The following FMO5 variants were observed in gnomAD, a reference collection of about 807,000 sequenced individuals.
FMO5 encodes flavin-containing monooxygenase 5.
A neutral mutation model predicts 43.6 loss-of-function variants in FMO5; 51 were observed. That is an observed-to-expected ratio of 1.17 (90% CI 0.93 to 1.48). FMO5 has a LOEUF of 1.48. FMO5 is among the 40% of genes most tolerant of loss of function. The pLI, the probability that FMO5 is intolerant of heterozygous loss-of-function variation, is 0.00. For synonymous variants in FMO5, 187 were observed against 216.5 expected (o/e 0.86, Z 1.20); for missense variants, 644 against 643.0 (o/e 1.00, Z -0.02).
Position 147,187,246 on chromosome 1 carries a change from C to G in FMO5, c.1257-1G>C. On this transcript the variant is annotated splice_acceptor_variant, in intron 8 of 8. Transcript: ENST00000254090. LOFTEE classifies it high-confidence loss of function. ...GGTATGGCGTTGGCTCTCCACATAC[C>G]TAAAGTAGAAAAGACAGAAACCATG... is the stretch of plus-strand genomic sequence containing the variant. 3.8e-6 allele frequency: 6 copies of G among 1,582,696 alleles called. No individual in the cohort carries two copies. Among genetic ancestry groups the G allele is most frequent in the Non-Finnish European group, 5.1e-6 (6 of 1,165,894 alleles).
intron 2 of FMO5, among the ~76,000 whole-genome samples, chr1:147,216,332 G>A (rs1661990118): frequency 6.6e-6 from 1 of 152,120 alleles, no homozygotes; most frequent in Non-Finnish European, 1.5e-5. Context: ...AAAATATATG[G>A]CCAGTCCCCA....
intron 7 of FMO5, among the ~76,000 whole-genome samples, chr1:147,191,144 A>T (rs587639499): frequency 6.6e-6 from 1 of 152,268 alleles, no homozygotes; most frequent in South Asian, 2.1e-4. Context: ...CAATAAACAT[A>T]CGTGTGCATG....
chr1:147,187,046 T>A lies in FMO5; in HGVS notation c.1456A>T (p.Lys486Ter), dbSNP rs1376842917. The A allele has an allele frequency of 3.7e-6, 6 of 1,614,146 alleles. No homozygotes were observed. The highest frequency in any genetic ancestry group is 5.1e-6 in the Non-Finnish European group (6 of 1,180,016). Residue 486 changes from lysine (K) to a stop codon, truncating the protein, a stop_gained, in exon 9 of 9, where the codon AAA becomes TAA. Coordinates refer to ENST00000254090, the MANE Select transcript of FMO5 (RefSeq NM_001461.4). LOFTEE classifies it low-confidence loss of function (END_TRUNC). ...QGPGKWDGAR[K>*]AILTTDDRIR... ...CGATCATCTGTGGTGAGGATAGCTT[T>A]TCGAGCCCCATCCCACTTTCCAGGG...
At chr1:147,220,966 G>T (rs1320489595) in intron 2 of FMO5, among the ~76,000 whole-genome samples, 1 of 151,040 alleles carries the variant, frequency 6.6e-6, no homozygotes, top group African/African-American at 2.4e-5. Context: ...AAAACAGTGG[G>T]TATAATGTGG....
chr1:147,186,274 C>T lies in FMO5; in HGVS notation c.*626G>A. The T allele has an allele frequency of 1.0e-6, 1 of 967,980 alleles. No homozygotes were observed. The highest frequency in any genetic ancestry group is 1.2e-6 in the Non-Finnish European group (1 of 814,208). 60.0% of individuals were successfully genotyped at this position (967,980 alleles called of 1,614,324 possible). A position where few individuals can be genotyped will look rare whatever the true frequency, so the allele number is the denominator to read the frequency against. ...GAGCCTAGAAAGTTGAAAGTAATTT[C>T]TTTATTGAGAAAATAAAGACATGGT... On this transcript the variant is annotated 3_prime_UTR_variant, in exon 9 of 9. Coordinates refer to ENST00000254090, the MANE Select transcript of FMO5 (RefSeq NM_001461.4).
At chr1:147,224,069 C>T (rs1571449883) in intron 2 of FMO5, 2 of 373,708 alleles carry the variant, frequency 5.4e-6, no homozygotes, top group East Asian at 1.8e-4. Flanking sequence ...CCTGCCTGCC[C>T]TGTGTCCCAA....
At chr1:147,202,176 G>T (rs587706319) in intron 6 of FMO5, among the ~76,000 whole-genome samples, 83 of 151,884 alleles carry the variant, frequency 5.5e-4, no homozygotes, top group African/African-American at 2.0e-3. Context: ...GCTTGTTATT[G>T]TTTCCTAGGG....
At chr1:147,215,387 A>C (rs995293917) in intron 3 of FMO5, 4 of 174,882 alleles carry the variant, frequency 2.3e-5, no homozygotes, top group African/African-American at 9.5e-5. Flanking sequence ...CAAAAGGGCT[A>C]AGCAGTAATG....
intron 6 of FMO5, among the ~76,000 whole-genome samples, chr1:147,205,863 C>T (rs1285433884): frequency 6.6e-6 from 1 of 152,096 alleles, no homozygotes; most frequent in Non-Finnish European, 1.5e-5. Context: ...TGGGCAAGGA[C>T]TTCATGTCTA....
At chr1:147,219,247 T>C (rs1001333681) in intron 2 of FMO5, among the ~76,000 whole-genome samples, 9 of 152,234 alleles carry the variant, frequency 5.9e-5, no homozygotes, top group Non-Finnish European at 1.2e-4. Context: ...TGTAATATTA[T>C]GTCTATCTAT....
chr1:147,227,092 G>A (rs1664032301), upstream of FMO5, among the ~76,000 whole-genome samples: 2 of 152,160 alleles, frequency 1.3e-5, no homozygotes, highest in Non-Finnish European at 2.9e-5. Context: ...GCCTCCCAAA[G>A]TGCTGGGATT....
intron 7 of FMO5, among the ~76,000 whole-genome samples, chr1:147,193,100 G>A (rs1470340296): frequency 2.0e-5 from 3 of 152,090 alleles, no homozygotes; most frequent in Non-Finnish European, 4.4e-5. Flanking sequence ...GCTCCTCTTT[G>A]TACCTCTGGT....
chr1:147,225,089 C>A, intron 1 of FMO5, 23 bp from the exon 2 acceptor site: 1 of 1,610,586 alleles, frequency 6.2e-7, no homozygotes, highest in Non-Finnish European at 8.5e-7. Context: ...TGACAAAAGA[C>A]AAAAAGCACA....
chr1:147,218,056 T>C (rs587640809), intron 2 of FMO5, among the ~76,000 whole-genome samples: 19 of 152,326 alleles, frequency 1.2e-4, no homozygotes, highest in African/African-American at 4.6e-4. Context: ...AACATTTATC[T>C]CAAAAAGACT....
chr1:147,213,314 A>G lies in FMO5; in HGVS notation c.481T>C (p.Phe161Leu). 6.2e-7 allele frequency: 1 copy of G among 1,605,860 alleles called. No homozygotes were observed. The highest frequency in any genetic ancestry group is 8.5e-7 in the Non-Finnish European group (1 of 1,175,772). The change falls in exon 4 of 9, where the codon TTC (phenylalanine) becomes CTC (leucine). Residue 161 changes from phenylalanine to leucine, a missense_variant. Coordinates refer to ENST00000254090, the MANE Select transcript of FMO5 (RefSeq NM_001461.4). Reference sequence around the variant, plus strand: ...TTCCTGGTAAGCTGCTCACCAGGGAAGCTTTCCAGAGGTAGATGAGCATTG... The same window carrying G: ...TTCCTGGTAAGCTGCTCACCAGGGAGGCTTTCCAGAGGTAGATGAGCATTG... The part of the protein sequence containing the change: ...HTNAHLPLES[F>L]PGIEKFKGQY...
chr1:147,186,687 G>A lies in FMO5; in HGVS notation c.*213C>T, dbSNP rs762836487. The A allele has an allele frequency of 2.0e-4, 276 of 1,382,424 alleles. No homozygotes were observed. The highest frequency in any genetic ancestry group is 2.4e-4 in the Non-Finnish European group (260 of 1,072,426). The allele number at this position is 1,382,424 out of a possible 1,614,324, so 85.6% of individuals were successfully genotyped here. A position where few individuals can be genotyped will look rare whatever the true frequency, so the allele number is the denominator to read the frequency against. On this transcript the variant is annotated 3_prime_UTR_variant, in exon 9 of 9. Coordinates refer to ENST00000254090, the MANE Select transcript of FMO5 (RefSeq NM_001461.4). ...CTCCCAGTCTAGGGATTACCACAAG[G>A]AAGAGTGACGGATCATGAGTGGAAG...
chr1:147,190,637 A>G (rs587614081), intron 7 of FMO5, among the ~76,000 whole-genome samples: 1 of 152,292 alleles, frequency 6.6e-6, no homozygotes, highest in South Asian at 2.1e-4. Flanking sequence ...TCTTGATAAC[A>G]AAGGGACCTT....
downstream of FMO5, chr1:147,184,423 C>T: frequency 1.5e-6 from 2 of 1,371,778 alleles, no homozygotes; most frequent in South Asian, 1.9e-5. This position sits in a 1 kb window ranked among gnomAD's most constrained non-coding sequence, Gnocchi z 4.4. Flanking sequence ...TTAATATTCC[C>T]TTAATTTTTA....
intron 2 of FMO5, among the ~76,000 whole-genome samples, chr1:147,219,155 G>T (rs1450460001): frequency 6.6e-6 from 1 of 152,174 alleles, no homozygotes; most frequent in Non-Finnish European, 1.5e-5. Flanking sequence ...TGAAGTCTGT[G>T]CAGGAACATT....
Sources: allele counts gnomAD v4.1 joint callset (sites outside exome capture counted in the v4.1 genomes callset), GRCh38; gene constraint gnomAD v4.1.1; non-coding constraint Gnocchi (gnomAD v3.1); transcripts MANE v1.5; gene names NCBI Gene and HGNC (gene_info 2026-07-23, HGNC 2026-07-21).